CCDC102A: variants seen among roughly 807,000 people sequenced by gnomAD.
The protein encoded by CCDC102A is coiled-coil domain containing 102A.
A neutral mutation model predicts 55.5 loss-of-function variants in CCDC102A; 40 were observed. The ratio of observed to expected loss-of-function variants is 0.72; its 90% CI spans 0.56 to 0.94. CCDC102A has a LOEUF of 0.94. Among genes scored for constraint, CCDC102A ranks in the 40% least tolerant of loss-of-function variants. The probability of loss-of-function intolerance (pLI) is 0.00; values close to 1 mark genes in which losing one functional copy is unlikely to be tolerated. For synonymous variants in CCDC102A, 323 were observed against 339.0 expected (o/e 0.95, Z 0.52); for missense variants, 779 against 768.6 (o/e 1.01, Z -0.16).
At chr16:57,514,476 A>G (rs533225917) in intron 8 of CCDC102A, among the ~76,000 whole-genome samples, 3 of 152,332 alleles carry the variant, frequency 2.0e-5, no homozygotes, top group Admixed American at 2.0e-4. Context: ...TTGGGATTAC[A>G]GGTGTGAGCT....
chr16:57,525,780 A>G, intron 3 of CCDC102A, 121 bp downstream of exon 3: 1 of 878,554 alleles, frequency 1.1e-6, no homozygotes, highest in Non-Finnish European at 1.8e-6. Context: ...ACTGCTCTAC[A>G]GTTCCAAGAT....
intron 2 of CCDC102A, among the ~76,000 whole-genome samples, chr16:57,526,340 A>C (rs2032141693): frequency 6.6e-6 from 1 of 152,166 alleles, no homozygotes; most frequent in Non-Finnish European, 1.5e-5. Context: ...GTCAGCCACC[A>C]TGGTTCCCTG....
intron 3 of CCDC102A, among the ~76,000 whole-genome samples, chr16:57,521,571 C>T (rs1355645083): frequency 2.0e-5 from 3 of 152,244 alleles, no homozygotes; most frequent in Non-Finnish European, 4.4e-5. Context: ...GACCACCCTG[C>T]TCCTGTCTGT....
chr16:57,535,832 C>T (rs2032365467), intron 1 of CCDC102A, among the ~76,000 whole-genome samples: 1 of 152,180 alleles, frequency 6.6e-6, no homozygotes, highest in African/African-American at 2.4e-5. Flanking sequence ...GGGCAGACCT[C>T]CCGAACCCAA....
At chr16:57,536,586 G>A (rs2032396294), upstream of CCDC102A, 1 of 152,160 alleles carries the variant, frequency 6.6e-6, no homozygotes, top group Non-Finnish European at 1.5e-5. Flanking sequence ...GCCGCCGGAG[G>A]GGCCGAGGGA....
intron 1 of CCDC102A, among the ~76,000 whole-genome samples, chr16:57,530,167 C>G (rs1275253314): frequency 6.6e-6 from 1 of 152,164 alleles, no homozygotes; most frequent in Admixed American, 6.5e-5. Context: ...CTCCCCTTCT[C>G]TGCCGGAACC....
rs756313654 is a variant in CCDC102A, at chr16:57,515,396, C to G, written c.1468G>C (p.Glu490Gln). The change falls in exon 8 of 9, where the codon GAG (glutamate) becomes CAG (glutamine). Residue 490 changes from glutamate (E) to glutamine (Q), a missense_variant. Transcript: ENST00000258214. ...QARKLQRSLDEQTEQSENLQV... is the reference protein window; with the variant it reads ...QARKLQRSLDQQTEQSENLQV... Reference sequence around the variant, plus strand: ...AGGTTCTCGCTCTGCTCCGTCTGCTCGTCCAGCGACCGCTGCAGCTTACGT... The same window carrying G: ...AGGTTCTCGCTCTGCTCCGTCTGCTGGTCCAGCGACCGCTGCAGCTTACGT... 1.6e-5 allele frequency: 25 copies of G among 1,609,610 alleles called. No homozygotes were observed. The highest frequency in any genetic ancestry group is 2.1e-5 in the Non-Finnish European group (25 of 1,179,202).
At chr16:57,520,455 C>G (rs1265815881) in intron 4 of CCDC102A, among the ~76,000 whole-genome samples, 8 of 152,096 alleles carry the variant, frequency 5.3e-5, no homozygotes, top group African/African-American at 1.9e-4. Flanking sequence ...GACTGTCGGT[C>G]TCCCATGCCC....
At chr16:57,521,265 A>G (rs1393623849) in intron 3 of CCDC102A, 89 bp from the exon 4 acceptor site, 8 of 988,882 alleles carry the variant, frequency 8.1e-6, no homozygotes, top group African/African-American at 6.4e-5. Context: ...TGCCCTCTGC[A>G]CTTGTTGAGC....
intron 3 of CCDC102A, 82 bp downstream of exon 3, chr16:57,525,819 T>G: frequency 2.9e-5 from 36 of 1,249,336 alleles, no homozygotes; most frequent in Non-Finnish European, 3.7e-5. Flanking sequence ...GTCATCTTCG[T>G]GAGTCTAATG....
At chr16:57,522,070 C>T (rs1459097479) in intron 3 of CCDC102A, among the ~76,000 whole-genome samples, 1 of 152,240 alleles carries the variant, frequency 6.6e-6, no homozygotes, top group Non-Finnish European at 1.5e-5. Flanking sequence ...CATCCTGCAT[C>T]CTACTGAATG....
chr16:57,532,893 C>T (rs2032295667), intron 1 of CCDC102A, among the ~76,000 whole-genome samples: 1 of 152,146 alleles, frequency 6.6e-6, no homozygotes, highest in Admixed American at 6.5e-5. Flanking sequence ...TATGGGGGCC[C>T]GGGCCCTGTC....
chr16:57,515,034 C>A (rs1297776005), intron 8 of CCDC102A, among the ~76,000 whole-genome samples: 1 of 152,142 alleles, frequency 6.6e-6, no homozygotes, highest in Non-Finnish European at 1.5e-5. Flanking sequence ...GCCCTGCTGG[C>A]CCCACCCACT....
chr16:57,529,765 C>T lies in CCDC102A; in HGVS notation c.-147-441G>A, dbSNP rs2032220444. Among the ~76,000 whole-genome samples the T allele has an allele frequency of 6.6e-6, 1 of 152,178 alleles. No individual in the cohort carries two copies. Among genetic ancestry groups the T allele is most frequent in the Admixed American group, 6.5e-5 (1 of 15,290 alleles). ...GGAAGCCCTCCTGGAGCACTTCAGG[C>T]CAGGTCCATCAGCCCCTTATGTGTC... On this transcript the variant is annotated intron_variant, in intron 1 of 8. Transcript: ENST00000258214. This position sits in a 1 kb window ranked among gnomAD's most constrained non-coding sequence, Gnocchi z 4.1.
Position 57,516,240 on chromosome 16 carries a change from C to G in CCDC102A, c.1419+53G>C. 1.9e-6 allele frequency: 3 copies of G among 1,564,578 alleles called. No individual in the cohort carries two copies. Among genetic ancestry groups the G allele is most frequent in the Non-Finnish European group, 2.6e-6 (3 of 1,152,112 alleles). ...GAAGCCAGGATGGCCCTGCGGCCCCCACTCCTCCCTGGCCAAGGTCTGTTG... is the reference window on the plus strand; with the variant it reads ...GAAGCCAGGATGGCCCTGCGGCCCCGACTCCTCCCTGGCCAAGGTCTGTTG... On this transcript the variant is annotated intron_variant, in intron 7 of 8. Coordinates refer to ENST00000258214, the MANE Select transcript of CCDC102A (RefSeq NM_033212.4). This position sits in a 1 kb window ranked among gnomAD's most constrained non-coding sequence, Gnocchi z 4.4.
At chr16:57,535,232 C>T (rs1259196356) in intron 1 of CCDC102A, among the ~76,000 whole-genome samples, 3 of 152,224 alleles carry the variant, frequency 2.0e-5, no homozygotes, top group Non-Finnish European at 4.4e-5. Context: ...TGCAGGACCT[C>T]TGGGGGGAGC....
Position 57,529,222 on chromosome 16 carries a change from A to G in CCDC102A, c.-45T>C. The G allele has an allele frequency of 8.7e-7, 1 of 1,148,864 alleles. No individual in the cohort carries two copies. The highest frequency in any genetic ancestry group is 1.1e-6 in the Non-Finnish European group (1 of 933,572). 71.2% of individuals were successfully genotyped at this position (1,148,864 alleles called of 1,614,324 possible). A position where few individuals can be genotyped will look rare whatever the true frequency, so the allele number is the denominator to read the frequency against. ...TGAGCTCGAACTCGCGGTCGGGCTC[A>G]GGGGCGGCTCCGGGGACGCGCGGCG... is the stretch of plus-strand genomic sequence containing the variant. On this transcript the variant is annotated 5_prime_UTR_variant, in exon 2 of 9. It removes the in-frame stop codon of an upstream open reading frame in the 5' UTR. Coordinates refer to ENST00000258214, the MANE Select transcript of CCDC102A (RefSeq NM_033212.4). The surrounding 1 kb of genome is among the most constrained non-coding windows in gnomAD (Gnocchi z 4.1).
chr16:57,512,863 T>C lies in CCDC102A; in HGVS notation c.1531A>G (p.Arg511Gly), dbSNP rs1311767427. The C allele has an allele frequency of 2.5e-6, 4 of 1,613,276 alleles. No homozygotes were observed. In the African/African-American group the frequency reaches 5.3e-5, roughly 22 times the overall value. The change falls in exon 9 of 9, where the codon AGG becomes GGG. Residue 511 changes from arginine (R) to glycine (G), a missense_variant. Physicochemically the swap from Arg to Gly is moderately radical, Grantham distance 125. Transcript: ENST00000258214. ...QLEHLQSRLR[R>G]QQQNAPLFGK... is the part of the protein sequence containing the mutation. ...AAGAGGGGAGCGTTCTGCTGCTGCC[T>C]GCGGAGCCTGTGGGGTGGGGGTGAC...
chr16:57,525,380 C>T lies in CCDC102A; in HGVS notation c.812+521G>A, dbSNP rs565698857. Among the ~76,000 whole-genome samples, 60 of 152,270 alleles carry T rather than the reference C, an allele frequency of 3.9e-4. 1 individual carries two copies. The highest frequency in any genetic ancestry group is 1.4e-3 in the African/African-American group (59 of 41,548). On this transcript the variant is annotated intron_variant, in intron 3 of 8. Transcript: ENST00000258214. ...CCTCCCAAAGTGCTGGGATTACAGGCGTGAGCCACTGCGCCTGGCCCAGCT... is the reference window on the plus strand; with the variant it reads ...CCTCCCAAAGTGCTGGGATTACAGGTGTGAGCCACTGCGCCTGGCCCAGCT...
Sources: gnomAD v4.1 joint callset for allele counts (sites outside exome capture counted in the v4.1 genomes callset) on GRCh38, gnomAD v4.1.1 for gene constraint, Gnocchi (gnomAD v3.1) non-coding constraint, MANE v1.5 for transcripts, NCBI Gene and HGNC (gene_info 2026-07-23, HGNC 2026-07-21) for gene names.